The following FAM98A variants were observed in gnomAD, a reference collection of about 807,000 sequenced individuals.
FAM98A encodes protein FAM98A.
A neutral mutation model predicts 62.9 loss-of-function variants in FAM98A; 25 were observed. That is an observed-to-expected ratio of 0.40 (90% CI 0.29 to 0.56). The LOEUF (loss-of-function observed/expected upper bound fraction) is 0.56. Among genes scored for constraint, FAM98A ranks in the 20% least tolerant of loss-of-function variants. FAM98A has a pLI of 0.51. For missense variants in FAM98A, 653 were observed against 640.7 expected (o/e 1.02, Z -0.21); for synonymous variants, 252 against 228.6 (o/e 1.10, Z -0.92).
Position 33,584,944 on chromosome 2 carries a change from C to G in FAM98A, c.1389G>C (p.Gly463=), listed in dbSNP as rs1403653968. Residue 463 remains glycine, a synonymous_variant, in exon 8 of 8, where the codon GGG becomes GGC. Transcript: ENST00000238823. ...CACCTCGGCCTCCACGACCACCTCG[C>G]CCACCACGACCACCACCACGATCAC... ...HHGDRGGGRG[G]RGGRGGRGGR... is the part of the protein sequence containing the mutation. 1 of 1,613,680 alleles carries G rather than the reference C, an allele frequency of 6.2e-7. No homozygotes were observed. The highest frequency in any genetic ancestry group is 2.2e-5 in the East Asian group (1 of 44,868).
At position 33,595,604 on chromosome 2, in the gene FAM98A, G is replaced by A. The variant is rs772325114; in HGVS notation, c.87C>T (p.Leu29=). The part of the protein sequence containing the change: ...YKGPLLEDGA[L]SQAVSAGASS... ...TGGCTCCAGCAGAGACTGCCTGAGA[G>A]AGCGCTCCATCTTCCAACAATGGGC... The change falls in exon 2 of 8, where the codon CTC becomes CTT. Residue 29 remains leucine (L), a synonymous_variant. Transcript: ENST00000238823. The A allele has an allele frequency of 6.9e-6, 11 of 1,594,288 alleles. No individual in the cohort carries two copies. Among genetic ancestry groups the A allele is most frequent in the Non-Finnish European group, 7.7e-6 (9 of 1,173,996 alleles).
Position 33,595,217 on chromosome 2 carries a change from T to C in FAM98A, c.202+272A>G, listed in dbSNP as rs1489217014. On this transcript the variant is annotated intron_variant, in intron 2 of 7. Transcript: ENST00000238823. ...CATCTTACAAAATATAGGAAGTTCA[T>C]ACATTCTATGCTTGTGGTCTCCATT... Among the ~76,000 whole-genome samples, 3 of 152,214 alleles carry C rather than the reference T, an allele frequency of 2.0e-5. No individual in the cohort carries two copies. In the East Asian group the frequency reaches 5.8e-4, roughly 29 times the overall value.
chr2:33,589,747 T>C (rs1256703382), intron 3 of FAM98A: 1 of 152,186 alleles, frequency 6.6e-6, no homozygotes, highest in Admixed American at 6.5e-5. Context: ...CAACAACCAC[T>C]GTTTTTGTAC....
At position 33,587,298 on chromosome 2, in the gene FAM98A, A is replaced by G; in HGVS notation, c.545T>C (p.Val182Ala). ...EKKLKETLAK[V>A]PPNHVGKPLL... is the part of the protein sequence containing the mutation. The stretch of plus-strand genomic sequence containing the variant: ...AGGCTTTCCCACATGATTAGGTGGA[A>G]CTTTTGCTAATGTTTCCTTTAACTG... Residue 182 changes from valine (V) to alanine (A), a missense_variant, in exon 5 of 8, where the codon GTT (valine) becomes GCT (alanine). Coordinates refer to ENST00000238823, the MANE Select transcript of FAM98A (RefSeq NM_015475.5). 1 of 1,613,352 alleles carries G rather than the reference A, an allele frequency of 6.2e-7. No individual in the cohort carries two copies. The highest frequency in any genetic ancestry group is 8.5e-7 in the Non-Finnish European group (1 of 1,179,364).
rs760045669 is a variant in FAM98A at position 33,595,600 on chromosome 2, G to C, written c.91C>G (p.Gln31Glu). 1 of 1,596,086 alleles carries C rather than the reference G, an allele frequency of 6.3e-7. No individual in the cohort carries two copies. Among genetic ancestry groups the C allele is most frequent in the Non-Finnish European group, 8.5e-7 (1 of 1,174,526 alleles). Reference protein sequence around the residue: ...GPLLEDGALSQAVSAGASSPE... With the variant: ...GPLLEDGALSEAVSAGASSPE... ...GAACTGGCTCCAGCAGAGACTGCCT[G>C]AGAGAGCGCTCCATCTTCCAACAAT... Residue 31 changes from glutamine (Q) to glutamate (E), a missense_variant, in exon 2 of 8, where the codon CAG (glutamine) becomes GAG (glutamate). Coordinates refer to ENST00000238823, the MANE Select transcript of FAM98A (RefSeq NM_015475.5).
rs1372897676 is a variant in FAM98A, at chr2:33,586,608, C to T, written c.674G>A (p.Arg225His). ...AAAGGATTGTACAGTGACATCCAAA[C>T]GTTTTATTAGCAGCTTTCTCCGGAC... Reference protein sequence around the residue: ...YEVRRKLLIKRLDVTVQSFGW... With the variant: ...YEVRRKLLIKHLDVTVQSFGW... The change falls in exon 6 of 8, where the codon CGT (arginine) becomes CAT (histidine). Residue 225 changes from arginine (R) to histidine (H), a missense_variant. Arg to His is a conservative substitution (Grantham distance 29). Transcript: ENST00000238823. 6.2e-7 allele frequency: 1 copy of T among 1,613,676 alleles called. No individual in the cohort carries two copies. The highest frequency in any genetic ancestry group is 8.5e-7 in the Non-Finnish European group (1 of 1,179,648).
At chr2:33,596,643 G>A (rs1388808869) in intron 1 of FAM98A, among the ~76,000 whole-genome samples, 2 of 152,098 alleles carry the variant, frequency 1.3e-5, no homozygotes, top group Non-Finnish European at 2.9e-5. Flanking sequence ...TGTAATCCCA[G>A]CACTTTGGGA....
chr2:33,595,560 T>A lies in FAM98A; in HGVS notation c.131A>T (p.Lys44Ile), dbSNP rs1677792335. ...TTCAGACACCAGCCAAGCACAGAGT[T>A]TGGTAAACTCGGGGGAACTGGCTCC... ...SAGASSPEFT[K>I]LCAWLVSELR... is the part of the protein sequence containing the mutation. The change falls in exon 2 of 8, where the codon AAA becomes ATA. Residue 44 changes from lysine to isoleucine, a missense_variant. Lys to Ile is a moderately radical substitution (Grantham distance 102). Transcript: ENST00000238823. The A allele has an allele frequency of 6.2e-7, 1 of 1,610,494 alleles. No individual in the cohort carries two copies. Among genetic ancestry groups the A allele is most frequent in the African/African-American group, 1.3e-5 (1 of 74,588 alleles).
At chr2:33,598,820 G>T (rs1389931853) in intron 1 of FAM98A, among the ~76,000 whole-genome samples, 1 of 152,158 alleles carries the variant, frequency 6.6e-6, no homozygotes, top group East Asian at 1.9e-4. Context: ...AACCTTTAGA[G>T]TTGAGGGGTT....
intron 6 of FAM98A, 50 bp from the exon 7 acceptor site, chr2:33,585,747 T>A (rs113672771): frequency 1.3e-6 from 2 of 1,519,530 alleles, no homozygotes; most frequent in African/African-American, 2.8e-5. Flanking sequence ...CAAAATGACA[T>A]AAGAAACACA....
In FAM98A at chr2:33,584,309, G is replaced by A. The variant is rs1267643197; in HGVS notation, c.*467C>T. 1 of 159,676 alleles carries A rather than the reference G, an allele frequency of 6.3e-6. No individual in the cohort carries two copies. The allele number at this position is 159,676 out of a possible 1,614,324, so 9.9% of individuals were successfully genotyped here. ...TAAAAGTCAACCGGGGGGCAGAACTGTGCTTGGAAAATAGGCATTGGAATA... is the reference window on the plus strand; with the variant it reads ...TAAAAGTCAACCGGGGGGCAGAACTATGCTTGGAAAATAGGCATTGGAATA... On this transcript the variant is annotated 3_prime_UTR_variant, in exon 8 of 8. Coordinates refer to ENST00000238823, the MANE Select transcript of FAM98A (RefSeq NM_015475.5).
In FAM98A at chr2:33,588,337, T is replaced by C; in HGVS notation, c.520A>G (p.Lys174Glu). The change falls in exon 4 of 8, where the codon AAA becomes GAA. Residue 174 changes from lysine (K) to glutamate (E), a missense_variant and splice_region_variant. By Grantham distance (56) the Lys-to-Glu change is moderately conservative (BLOSUM62 1). Coordinates refer to ENST00000238823, the MANE Select transcript of FAM98A (RefSeq NM_015475.5). ...MFQFFSGIEK[K>E]LKETLAKVPP... is the part of the protein sequence containing the mutation. ...CAATTTGGTACTAAAGGTCTTACTT[T>C]TTTTTCAATCCCGCTGAAGAATTGG... is the stretch of plus-strand genomic sequence containing the variant. 6.2e-7 allele frequency: 1 copy of C among 1,609,958 alleles called. No homozygotes were observed. Among genetic ancestry groups the C allele is most frequent in the Non-Finnish European group, 8.5e-7 (1 of 1,177,752 alleles).
At chr2:33,585,500 T>A in intron 7 of FAM98A, 30 bp downstream of exon 7, 2 of 1,613,678 alleles carry the variant, frequency 1.2e-6, no homozygotes, top group Non-Finnish European at 1.7e-6. Flanking sequence ...AATAAATGCA[T>A]TTGGAAAAAA....
At position 33,599,173 on chromosome 2, in the gene FAM98A, G is replaced by T. The variant is rs1677895963; in HGVS notation, c.49C>A (p.Leu17Ile). Reference sequence around the variant, plus strand: ...CCCGTGCCCTGACAATCTTACCCTAGATCTTCCAACGACTCCAAGATGTCA... The same window carrying T: ...CCCGTGCCCTGACAATCTTACCCTATATCTTCCAACGACTCCAAGATGTCA... ...ETDILESLED[L>I]GYKGPLLEDG... Residue 17 changes from leucine (L) to isoleucine (I), a missense_variant, in exon 1 of 8, where the codon CTA becomes ATA. Transcript: ENST00000238823. 2.5e-6 allele frequency: 4 copies of T among 1,613,252 alleles called. No homozygotes were observed. Among genetic ancestry groups the T allele is most frequent in the Non-Finnish European group, 3.4e-6 (4 of 1,179,414 alleles).
intron 4 of FAM98A, among the ~76,000 whole-genome samples, chr2:33,587,854 A>G: frequency 6.6e-6 from 1 of 151,456 alleles, no homozygotes; most frequent in Middle Eastern, 3.2e-3. Flanking sequence ...CTTTTCACAT[A>G]CTAGATTATG....
chr2:33,597,461 A>C (rs1471439811), intron 1 of FAM98A, among the ~76,000 whole-genome samples: 1 of 152,250 alleles, frequency 6.6e-6, no homozygotes, highest in East Asian at 1.9e-4. Context: ...GTTAAGGTTA[A>C]AATTTATAAC....
chr2:33,585,183 T>C lies in FAM98A; in HGVS notation c.1150A>G (p.Thr384Ala). Reference sequence around the variant, plus strand: ...CCTCCTCCACCACTCCCTCCATCTGTCCAGCCTCCTTGATGCTTATTTCCT... The same window carrying C: ...CCTCCTCCACCACTCCCTCCATCTGCCCAGCCTCCTTGATGCTTATTTCCT... The part of the protein sequence containing the change: ...GRGNKHQGGW[T>A]DGGSGGGGGY... Residue 384 changes from threonine to alanine, a missense_variant, in exon 8 of 8, where the codon ACA (threonine) becomes GCA (alanine). Physicochemically the swap from Thr to Ala is moderately conservative, Grantham distance 58 (BLOSUM62 0). Coordinates refer to ENST00000238823, the MANE Select transcript of FAM98A (RefSeq NM_015475.5). The C allele has an allele frequency of 6.2e-7, 1 of 1,613,980 alleles. No individual in the cohort carries two copies. Among genetic ancestry groups the C allele is most frequent in the East Asian group, 2.2e-5 (1 of 44,860 alleles).
At position 33,588,326 on chromosome 2, in the gene FAM98A, AG is replaced by A. The variant is rs1157040681; in HGVS notation, c.522+8del. 1.9e-6 allele frequency: 3 copies of A among 1,606,266 alleles called. No homozygotes were observed. Among genetic ancestry groups the A allele is most frequent in the Non-Finnish European group, 1.7e-6 (2 of 1,175,002 alleles). On this transcript the variant is annotated splice_region_variant and intron_variant, in intron 4 of 7. Transcript: ENST00000238823. ...TTAATACACTACAATTTGGTACTAA[AG>A]GTCTTACTTTTTTTTCAATCCCGCT...
chr2:33,593,589 T>G (rs1056967814), intron 2 of FAM98A, among the ~76,000 whole-genome samples: 2 of 152,262 alleles, frequency 1.3e-5, no homozygotes, highest in African/African-American at 4.8e-5. Flanking sequence ...TTCATTATTT[T>G]GATTGTTCTC....
Sources: gnomAD v4.1 joint callset for allele counts (sites outside exome capture counted in the v4.1 genomes callset) on GRCh38, gnomAD v4.1.1 for gene constraint, MANE v1.5 for transcripts, NCBI Gene and HGNC (gene_info 2026-07-23, HGNC 2026-07-21) for gene names.